Variants in WASF2 observed in about 807,000 individuals in gnomAD.
The protein encoded by WASF2 is actin-binding protein WASF2.
A neutral mutation model predicts 45.0 loss-of-function variants in WASF2; 14 were observed. The ratio of observed to expected loss-of-function variants is 0.31; its 90% confidence interval spans 0.21 to 0.49. WASF2 has a LOEUF of 0.49. Among genes scored for constraint, WASF2 ranks in the 20% least tolerant of loss-of-function variants. WASF2 has a pLI of 0.99. For synonymous variants in WASF2, 200 were observed against 236.3 expected (o/e 0.85, Z 1.41); for missense variants, 439 against 636.1 (o/e 0.69, Z 3.33).
At chr1:27,461,033 C>G (rs867847122) in intron 1 of WASF2, among the ~76,000 whole-genome samples, 3 of 152,050 alleles carry the variant, frequency 2.0e-5, no homozygotes, top group African/African-American at 7.2e-5. Flanking sequence ...GTAGTCCCAA[C>G]TACTCGGCAG....
At chr1:27,415,058 A>C in intron 5 of WASF2, 95 bp from the exon 6 acceptor site, 2 of 1,471,266 alleles carry the variant, frequency 1.4e-6, no homozygotes, top group Non-Finnish European at 1.9e-6. Context: ...TCTAAGAGAT[A>C]ATCTGCCTAG....
intron 1 of WASF2, among the ~76,000 whole-genome samples, chr1:27,452,496 AGT>A (rs2017397182): frequency 6.7e-6 from 1 of 149,926 alleles, no homozygotes; most frequent in Non-Finnish European, 1.5e-5. Flanking sequence ...CTGGTGACAG[AGT>A]GAGACTGTCT....
chr1:27,471,643 C>G (rs889956707), intron 1 of WASF2, among the ~76,000 whole-genome samples: 7 of 152,028 alleles, frequency 4.6e-5, no homozygotes, highest in African/African-American at 1.7e-4. Context: ...CACACACACA[C>G]AAAGAGTAGA....
At chr1:27,452,683 T>A (rs2017400804) in intron 1 of WASF2, among the ~76,000 whole-genome samples, 1 of 149,970 alleles carries the variant, frequency 6.7e-6, no homozygotes, top group Admixed American at 6.7e-5. Context: ...CCAGGCATGG[T>A]GTCACACACC....
chr1:27,477,918 A>T (rs1486332504), intron 1 of WASF2, among the ~76,000 whole-genome samples: 1 of 96,738 alleles, frequency 1.0e-5, no homozygotes, highest in African/African-American at 7.8e-5. Flanking sequence ...AAATAAATAA[A>T]TAAAAAAAAA....
Position 27,478,831 on chromosome 1 carries a change from G to C in WASF2, c.-44+11155C>G, listed in dbSNP as rs187908368. On this transcript the variant is annotated intron_variant, in intron 1 of 8. Transcript: ENST00000618852. ...ATTCCCGACCTCAGGTGATCCACCCGCCTCGACCTCACAAAGTGCTGGGAT... is the reference window on the plus strand; with the variant it reads ...ATTCCCGACCTCAGGTGATCCACCCCCCTCGACCTCACAAAGTGCTGGGAT... Among the ~76,000 whole-genome samples, 1,120 of 152,034 alleles carry C rather than the reference G, an allele frequency of 7.4e-3. 17 individuals are homozygous for C. Among genetic ancestry groups the C allele is most frequent in the Non-Finnish European group, 9.0e-3 (612 of 67,960 alleles).
chr1:27,461,042 A>G (rs2017537359), intron 1 of WASF2, among the ~76,000 whole-genome samples: 2 of 152,094 alleles, frequency 1.3e-5, no homozygotes, highest in Non-Finnish European at 2.9e-5. Flanking sequence ...ACTACTCGGC[A>G]GGCTGAGGCA....
intron 1 of WASF2, among the ~76,000 whole-genome samples, chr1:27,457,771 C>A (rs1281044265): frequency 6.6e-6 from 1 of 151,910 alleles, no homozygotes; most frequent in Non-Finnish European, 1.5e-5. Flanking sequence ...TAGGTGTGAG[C>A]TACCTCTCCT....
intron 2 of WASF2, among the ~76,000 whole-genome samples, chr1:27,427,095 TC>T (rs2016996749): frequency 6.6e-6 from 1 of 152,160 alleles, no homozygotes; most frequent in South Asian, 2.1e-4. Context: ...TTATTGAGTA[TC>T]CCCTCAGCAG....
chr1:27,430,387 G>A (rs961551497), intron 1 of WASF2, among the ~76,000 whole-genome samples: 4 of 151,960 alleles, frequency 2.6e-5, no homozygotes, highest in Non-Finnish European at 5.9e-5. Flanking sequence ...TTGAGACAGG[G>A]TCTCGCTCTG....
chr1:27,481,314 C>T (rs567774542), intron 1 of WASF2, among the ~76,000 whole-genome samples: 6 of 150,902 alleles, frequency 4.0e-5, no homozygotes, highest in Non-Finnish European at 7.4e-5. Flanking sequence ...AAAAAAATAA[C>T]GCATGTGTGT....
chr1:27,441,528 C>A (rs955469657), intron 1 of WASF2, among the ~76,000 whole-genome samples: 12 of 151,224 alleles, frequency 7.9e-5, no homozygotes, highest in African/African-American at 2.9e-4. Context: ...CCGAGGTGGG[C>A]GGATCACAAG....
rs1268925927 is a variant in WASF2 at position 27,408,180 on chromosome 1, C to T, written c.*9G>A. ...AAAGAAAAAGAAGGTGGGCAGCAGG[C>T]AGAAAGAGTTAATCGGACCAGTCGT... On this transcript the variant is annotated 3_prime_UTR_variant, in exon 9 of 9. Coordinates refer to ENST00000618852, the MANE Select transcript of WASF2 (RefSeq NM_006990.5). The T allele has an allele frequency of 6.2e-7, 1 of 1,607,572 alleles. No individual in the cohort carries two copies. The highest frequency in any genetic ancestry group is 8.5e-7 in the Non-Finnish European group (1 of 1,175,030).
chr1:27,429,225 T>C (rs2148112223), intron 1 of WASF2, among the ~76,000 whole-genome samples: 1 of 152,116 alleles, frequency 6.6e-6, no homozygotes, highest in Middle Eastern at 3.4e-3. Context: ...CAACTACTGC[T>C]CCAACCAACA....
chr1:27,416,102 C>T lies in WASF2; in HGVS notation c.420G>A (p.Arg140=), dbSNP rs1353402348. 1.9e-6 allele frequency: 3 copies of T among 1,612,928 alleles called. No individual in the cohort carries two copies. The highest frequency in any genetic ancestry group is 2.5e-6 in the Non-Finnish European group (3 of 1,179,176). The part of the protein sequence containing the change: ...PPPLNNLTPY[R]DDGKEALKFY... ...ATTTGAGTGCCTCTTTTCCATCGTC[C>T]CTGGGATAGAAATGAAGACAAGTAG... Residue 140 remains arginine, a splice_region_variant and synonymous_variant, in exon 5 of 9, where the codon AGG becomes AGA. Coordinates refer to ENST00000618852, the MANE Select transcript of WASF2 (RefSeq NM_006990.5).
chr1:27,456,734 T>A (rs1416307754), intron 1 of WASF2, among the ~76,000 whole-genome samples: 1 of 134,752 alleles, frequency 7.4e-6, no homozygotes, highest in Non-Finnish European at 1.6e-5. Flanking sequence ...AGGTTTTCTC[T>A]TTTTTTTTTT....
intron 1 of WASF2, among the ~76,000 whole-genome samples, chr1:27,455,250 T>G (rs1185937050): frequency 6.6e-6 from 1 of 152,118 alleles, no homozygotes; most frequent in Non-Finnish European, 1.5e-5. Context: ...AAGGAGTTAC[T>G]TTTTGTTTTT....
rs528040593 is a variant in WASF2 at position 27,417,177 on chromosome 1, A to G, written c.420-1075T>C. On this transcript the variant is annotated intron_variant, in intron 4 of 8. Transcript: ENST00000618852. ...TGAAGAATAAAATTCTCCTAATATC[A>G]TTTGTTTATGCAATCCCACCACACA... Among the ~76,000 whole-genome samples, 38 of 152,268 alleles carry G rather than the reference A, an allele frequency of 2.5e-4. 1 individual carries two copies. In the South Asian group the frequency reaches 7.7e-3, roughly 31 times the overall value.
chr1:27,428,957 T>C, intron 1 of WASF2, 24 bp from the exon 2 acceptor site: 3 of 1,594,592 alleles, frequency 1.9e-6, no homozygotes, highest in Non-Finnish European at 2.6e-6. Flanking sequence ...AACAGGAAAG[T>C]ATTACTCAAC....
Sources: allele counts gnomAD v4.1 joint callset (sites outside exome capture counted in the v4.1 genomes callset), GRCh38; gene constraint gnomAD v4.1.1; transcripts MANE v1.5; gene names NCBI Gene and HGNC (gene_info 2026-07-23, HGNC 2026-07-21).